Variants in COL4A2 observed in about 807,000 individuals in gnomAD.
COL4A2 encodes the protein collagen alpha-2(IV) chain.
A neutral mutation model predicts 200.2 loss-of-function variants in COL4A2; 99 were observed. The observed-to-expected ratio is 0.49, with a 90% CI of 0.42 to 0.58. COL4A2 has a LOEUF of 0.58. Ranked by LOEUF, COL4A2 falls within the 20% of genes least tolerant of loss-of-function variation. The pLI, the probability that COL4A2 is intolerant of heterozygous loss-of-function variation, is 0.00. For synonymous variants in COL4A2, 897 were observed against 900.6 expected (o/e 1.00, Z 0.07); for missense variants, 1,950 against 2,314.1 (o/e 0.84, Z 3.23).
At chr13:110,479,272 A>T (rs1287884935) in intron 30 of COL4A2, among the ~76,000 whole-genome samples, 1 of 152,132 alleles carries the variant, frequency 6.6e-6, no homozygotes, top group Non-Finnish European at 1.5e-5. Context: ...CACACACATT[A>T]AAAGGCTCCC....
At chr13:110,407,286 T>C (rs1457707200) in intron 4 of COL4A2, among the ~76,000 whole-genome samples, 1 of 151,736 alleles carries the variant, frequency 6.6e-6, no homozygotes, top group Admixed American at 6.6e-5. Context: ...ACTGAAGAAG[T>C]GAGCGAGGAG....
intron 4 of COL4A2, among the ~76,000 whole-genome samples, chr13:110,372,184 C>T (rs1190692280): frequency 1.3e-5 from 2 of 152,208 alleles, no homozygotes; most frequent in Non-Finnish European, 2.9e-5. Flanking sequence ...GCACACCGGG[C>T]CGGTCATTCC....
intron 3 of COL4A2, among the ~76,000 whole-genome samples, chr13:110,341,970 AG>A (rs1265047156): frequency 1.3e-5 from 2 of 152,214 alleles, no homozygotes; most frequent in African/African-American, 4.8e-5. Context: ...GATACATAGG[AG>A]GACTACAAGC....
chr13:110,347,003 C>T (rs868400917), intron 3 of COL4A2, among the ~76,000 whole-genome samples: 7 of 152,236 alleles, frequency 4.6e-5, no homozygotes, highest in Admixed American at 1.3e-4. Flanking sequence ...ATGCCGGGCC[C>T]GTGTGCACAC....
intron 28 of COL4A2, among the ~76,000 whole-genome samples, chr13:110,470,009 G>T (rs1882406698): frequency 6.7e-6 from 1 of 148,258 alleles, no homozygotes; most frequent in Non-Finnish European, 1.5e-5. Flanking sequence ...CCGCCTTCTG[G>T]GTTCAAGCGA....
At chr13:110,477,466 T>C (rs1231438161) in intron 29 of COL4A2, among the ~76,000 whole-genome samples, 7 of 152,220 alleles carry the variant, frequency 4.6e-5, no homozygotes, top group Non-Finnish European at 2.9e-5. Context: ...ATACACGATG[T>C]CAGTTTCTCA....
intron 3 of COL4A2, among the ~76,000 whole-genome samples, chr13:110,341,947 T>C (rs1876474509): frequency 6.6e-6 from 1 of 152,214 alleles, no homozygotes; most frequent in Non-Finnish European, 1.5e-5. Context: ...TGTAATATGA[T>C]AAGAGCACTT....
At chr13:110,363,975 A>G (rs1326023775) in intron 4 of COL4A2, among the ~76,000 whole-genome samples, 2 of 152,180 alleles carry the variant, frequency 1.3e-5, no homozygotes, top group African/African-American at 4.8e-5. Context: ...TGCTGAGATT[A>G]TAGGCGTGAG....
At position 110,449,835 on chromosome 13, in the gene COL4A2, C is replaced by T. The variant is rs761041051; in HGVS notation, c.1189+46C>T. The T allele has an allele frequency of 1.5e-4, 222 of 1,526,366 alleles. No individual in the cohort carries two copies. The South Asian group carries it at 2.4e-3, about 17-fold the overall frequency. 94.6% of individuals were successfully genotyped at this position (1,526,366 alleles called of 1,614,324 possible). On this transcript the variant is annotated intron_variant, in intron 19 of 47. Coordinates refer to ENST00000360467, the MANE Select transcript of COL4A2 (RefSeq NM_001846.4). ...CAACACCGGAGACCCAAAGCACCTGCACTCAGGTCCTAGCACACACAAGGG... is the reference window on the plus strand; with the variant it reads ...CAACACCGGAGACCCAAAGCACCTGTACTCAGGTCCTAGCACACACAAGGG...
intron 47 of COL4A2, among the ~76,000 whole-genome samples, chr13:110,510,426 A>G (rs984092787): frequency 6.6e-6 from 1 of 152,182 alleles, no homozygotes; most frequent in Non-Finnish European, 1.5e-5. Context: ...TCTGGCTACT[A>G]TCTGGAGCCC....
At chr13:110,356,644 T>C (rs1877279811) in intron 3 of COL4A2, among the ~76,000 whole-genome samples, 2 of 152,082 alleles carry the variant, frequency 1.3e-5, no homozygotes, top group African/African-American at 2.4e-5. Flanking sequence ...TGCCCCGGAG[T>C]TTCTCATGCA....
intron 40 of COL4A2, among the ~76,000 whole-genome samples, chr13:110,498,939 C>T (rs1360441414): frequency 1.3e-5 from 2 of 152,212 alleles, no homozygotes; most frequent in African/African-American, 2.4e-5. Context: ...CACCCTCGAC[C>T]TGCATGAACG....
intron 35 of COL4A2, 79 bp from the exon 36 acceptor site, chr13:110,489,632 A>G: frequency 1.9e-6 from 3 of 1,594,864 alleles, no homozygotes; most frequent in Non-Finnish European, 2.6e-6. Flanking sequence ...TGTTAGGAAT[A>G]TAACAAAATA....
chr13:110,404,627 G>A (rs981202920), intron 4 of COL4A2, among the ~76,000 whole-genome samples: 8 of 152,350 alleles, frequency 5.3e-5, no homozygotes, highest in Admixed American at 5.2e-4. Flanking sequence ...GTAAGAAGAA[G>A]AGCAGGACCA....
chr13:110,476,007 G>C (rs1478632350), intron 29 of COL4A2, among the ~76,000 whole-genome samples: 1 of 152,216 alleles, frequency 6.6e-6, no homozygotes, highest in East Asian at 1.9e-4. Flanking sequence ...CCCGGAGACC[G>C]TGCTGTCCAC....
At chr13:110,445,099 C>T (rs1408119844) in intron 16 of COL4A2, among the ~76,000 whole-genome samples, 3 of 152,208 alleles carry the variant, frequency 2.0e-5, no homozygotes, top group Admixed American at 2.0e-4. Flanking sequence ...GATCCTCCCA[C>T]CTTGGCTTCC....
chr13:110,320,830 A>G (rs569343777), intron 3 of COL4A2, among the ~76,000 whole-genome samples: 1 of 152,316 alleles, frequency 6.6e-6, no homozygotes, highest in East Asian at 1.9e-4. Flanking sequence ...AGAGAGAACA[A>G]AAGGCTACAA....
At chr13:110,493,826 G>GT (rs934784918) in intron 39 of COL4A2, among the ~76,000 whole-genome samples, 6 of 151,880 alleles carry the variant, frequency 4.0e-5, no homozygotes, top group East Asian at 1.9e-4. Flanking sequence ...TTCTGGGGGG[G>GT]GCCGCGTCCT....
At chr13:110,451,358 A>C (rs1477447638) in intron 20 of COL4A2, among the ~76,000 whole-genome samples, 4 of 152,206 alleles carry the variant, frequency 2.6e-5, no homozygotes, top group Non-Finnish European at 4.4e-5. Context: ...ACATTTTTAC[A>C]ATTTTTTGTA....
Sources: gnomAD v4.1 joint callset for allele counts (sites outside exome capture counted in the v4.1 genomes callset) on GRCh38, gnomAD v4.1.1 for gene constraint, MANE v1.5 for transcripts, NCBI Gene and HGNC (gene_info 2026-07-23, HGNC 2026-07-21) for gene names.